The following COL9A3 variants were observed in gnomAD, a reference collection of about 807,000 sequenced individuals.
COL9A3 encodes the protein collagen type IX alpha 3 chain.
COL9A3 carries 82 observed loss-of-function variants against 110.2 expected under a neutral mutation model. That is an observed-to-expected ratio of 0.74 (90% CI 0.62 to 0.89). The LOEUF (loss-of-function observed/expected upper bound fraction) is 0.89, where lower values mean the gene tolerates loss of function less well. COL9A3 is among the 40% of genes least tolerant of loss of function. COL9A3 has a pLI of 0.00. For missense variants in COL9A3, 1,066 were observed against 981.3 expected (o/e 1.09, Z -1.15); for synonymous variants, 494 against 403.8 (o/e 1.22, Z -2.68).
intron 12 of COL9A3, 153 bp downstream of exon 12, chr20:62,825,174 C>T (rs1350218900): frequency 6.3e-5 from 2 of 31,834 alleles, no homozygotes; most frequent in African/African-American, 2.3e-4. Flanking sequence ...TGGGCTCCGG[C>T]GGGAGGGAGG....
At chr20:62,826,362 C>T (rs931802855) in intron 14 of COL9A3, 105 bp downstream of exon 14, 24 of 1,109,466 alleles carry the variant, frequency 2.2e-5, no homozygotes, top group African/African-American at 4.7e-5. Flanking sequence ...CTGAAGCAGC[C>T]GGCACCCTGG....
At chr20:62,817,703 C>A in intron 2 of COL9A3, 68 bp downstream of exon 2, 1 of 1,091,210 alleles carries the variant, frequency 9.2e-7, no homozygotes, top group South Asian at 1.6e-5. Context: ...CCTCCCTGAG[C>A]TCCCCGGCCT....
rs770992000 is a variant in COL9A3, at chr20:62,837,282, A to G, written c.1786+17A>G. The G allele has an allele frequency of 1.2e-6, 2 of 1,606,352 alleles. No homozygotes were observed. Among genetic ancestry groups the G allele is most frequent in the Non-Finnish European group, 1.7e-6 (2 of 1,179,322 alleles). ...GGCCCAGAGGTGAGTGTTTGACCCCATGACACGGTCACCCTGCTGTAAAAA... is the reference window on the plus strand; with the variant it reads ...GGCCCAGAGGTGAGTGTTTGACCCCGTGACACGGTCACCCTGCTGTAAAAA... On this transcript the variant is annotated intron_variant, in intron 30 of 31. Coordinates refer to ENST00000649368, the MANE Select transcript of COL9A3 (RefSeq NM_001853.4).
At chr20:62,825,106 AGGGAGG>A in intron 12 of COL9A3, 85 bp downstream of exon 12, 1 of 162,496 alleles carries the variant, frequency 6.2e-6, no homozygotes, top group South Asian at 3.9e-5. Context: ...CTCCGGCGGG[AGGGAGG>A]GGCTGGGCTC....
Position 62,817,583 on chromosome 20 carries a change from G to A in COL9A3, c.95G>A (p.Gly32Asp), listed in dbSNP as rs550448320. The A allele has an allele frequency of 3.9e-6, 6 of 1,534,404 alleles. No homozygotes were observed. In the Admixed American group the frequency reaches 5.9e-5, roughly 15 times the overall value. The change falls in exon 2 of 32, where the codon GGC (glycine) becomes GAC (aspartate). Residue 32 changes from glycine (G) to aspartate (D), a missense_variant. By Grantham distance (94) the Gly-to-Asp change is moderately conservative. Transcript: ENST00000649368. The stretch of plus-strand genomic sequence containing the variant: ...CCGTTTCAGAGAGTGGGACTCCCCG[G>A]CCCCCCCGGCCCCCCAGGGCCGCCC... ...AAGAQRVGLP[G>D]PPGPPGPPGK...
intron 30 of COL9A3, 88 bp downstream of exon 30, chr20:62,837,353 A>G (rs1417182296): frequency 2.8e-6 from 4 of 1,434,252 alleles, no homozygotes; most frequent in Admixed American, 1.9e-5. Flanking sequence ...GGTGCCTGCC[A>G]TGCGCCCTCA....
rs1288641607 is a variant in COL9A3 at position 62,817,589 on chromosome 20, C to G, written c.101C>G (p.Pro34Arg). 1.9e-6 allele frequency: 3 copies of G among 1,547,628 alleles called. No homozygotes were observed. The highest frequency in any genetic ancestry group is 2.4e-5 in the East Asian group (1 of 40,842). ...CAGAGAGTGGGACTCCCCGGCCCCC[C>G]CGGCCCCCCAGGGCCGCCCGGGAAG... Reference protein sequence around the residue: ...GAQRVGLPGPPGPPGPPGKPG... With the variant: ...GAQRVGLPGPRGPPGPPGKPG... The change falls in exon 2 of 32, where the codon CCC (proline) becomes CGC (arginine). Residue 34 changes from proline to arginine, a missense_variant. Pro to Arg is a moderately radical substitution (Grantham distance 103). Coordinates refer to ENST00000649368, the MANE Select transcript of COL9A3 (RefSeq NM_001853.4).
chr20:62,841,008 G>A lies in COL9A3; in HGVS notation c.*276G>A, dbSNP rs886056916. The A allele has an allele frequency of 3.5e-5, 15 of 434,142 alleles. 2 individuals are homozygous for A. Among genetic ancestry groups the A allele is most frequent in the East Asian group, 1.3e-4 (3 of 22,302 alleles). The allele number at this position is 434,142 out of a possible 1,614,324, so 26.9% of individuals were successfully genotyped here. A position where few individuals can be genotyped will look rare whatever the true frequency, so the allele number is the denominator to read the frequency against. ...TAAAAGGTTGTGTACAACTCCACGA[G>A]GTGAAAAATATTCAGTAACTTGTTT... On this transcript the variant is annotated 3_prime_UTR_variant, in exon 32 of 32. Coordinates refer to ENST00000649368, the MANE Select transcript of COL9A3 (RefSeq NM_001853.4).
chr20:62,817,933 G>A, intron 2 of COL9A3: 1 of 503,192 alleles, frequency 2.0e-6, no homozygotes, highest in Non-Finnish European at 3.8e-6. Flanking sequence ...GCCTCTGGCT[G>A]AAGTGGGGAG....
At position 62,836,709 on chromosome 20, in the gene COL9A3, T is replaced by C. The variant is rs1392294250; in HGVS notation, c.1603+177T>C. On this transcript the variant is annotated intron_variant, in intron 29 of 31. Transcript: ENST00000649368. ...TCCGCCTTGGCGTCTGCCTGTCCTC[T>C]GCGCTAGAGGATGGCCCACGCTCCC... 1.3e-5 allele frequency: 9 copies of C among 712,672 alleles called. No individual in the cohort carries two copies. The African/African-American group carries it at 1.4e-4, about 11-fold the overall frequency. 44.1% of individuals were successfully genotyped at this position (712,672 alleles called of 1,614,324 possible).
chr20:62,817,179 A>C (rs1990956358), intron 1 of COL9A3, 37 bp downstream of exon 1: 1 of 1,336,682 alleles, frequency 7.5e-7, no homozygotes, highest in African/African-American at 1.5e-5. Context: ...CTGGACGTGG[A>C]GCCGCGACCG....
At chr20:62,832,123 C>T (rs1356041478) in intron 24 of COL9A3, 31 bp from the exon 25 acceptor site, 1 of 1,609,588 alleles carries the variant, frequency 6.2e-7, no homozygotes, top group Non-Finnish European at 8.5e-7. Flanking sequence ...CCTGCCATTC[C>T]TCTAATCCAG....
intron 11 of COL9A3, 100 bp downstream of exon 11, chr20:62,824,601 AC>A: frequency 1.6e-6 from 2 of 1,283,936 alleles, no homozygotes; most frequent in Non-Finnish European, 2.2e-6. Flanking sequence ...AGAAAGCTGG[AC>A]CCTGGTTCCA....
chr20:62,828,002 A>G, intron 17 of COL9A3, 26 bp downstream of exon 17: 1 of 1,612,368 alleles, frequency 6.2e-7, no homozygotes, highest in Non-Finnish European at 8.5e-7. Context: ...TGCTCATGGA[A>G]TGCTCCTCCC....
At chr20:62,822,478 G>T in intron 9 of COL9A3, 113 bp from the exon 10 acceptor site, 1 of 1,176,250 alleles carries the variant, frequency 8.5e-7, no homozygotes. Context: ...GGGTCTCCAA[G>T]TCCCCTGGTG....
intron 10 of COL9A3, among the ~76,000 whole-genome samples, chr20:62,824,162 T>C (rs55826553): frequency 9.0e-5 from 9 of 99,746 alleles, no homozygotes; most frequent in Admixed American, 2.0e-4. Context: ...CCTGGGGTCC[T>C]GTCACCCAGA....
rs1377518193 is a variant in COL9A3, at chr20:62,821,562, A to G, written c.369+32A>G. The G allele has an allele frequency of 1.9e-6, 3 of 1,612,676 alleles. No homozygotes were observed. In the South Asian group the frequency reaches 3.3e-5, roughly 18 times the overall value. ...ACTGACAACCCTTGGGGCCCTGAGC[A>G]AGCACGCAAGTCCCGAGAGCCTGCC... On this transcript the variant is annotated intron_variant, in intron 7 of 31. Coordinates refer to ENST00000649368, the MANE Select transcript of COL9A3 (RefSeq NM_001853.4).
In COL9A3 at chr20:62,821,499, C is replaced by T; in HGVS notation, c.346-8C>T. 1 of 1,612,936 alleles carries T rather than the reference C, an allele frequency of 6.2e-7. No individual in the cohort carries two copies. Among genetic ancestry groups the T allele is most frequent in the East Asian group, 2.2e-5 (1 of 44,872 alleles). On this transcript the variant is annotated splice_polypyrimidine_tract_variant and splice_region_variant and intron_variant, in intron 6 of 31. Transcript: ENST00000649368. Reference sequence around the variant, plus strand: ...TGGCAGGCTCTGACCCCATGTTTGGCTTTGCAGGGCAAAGGCCTCCCTGGA... The same window carrying T: ...TGGCAGGCTCTGACCCCATGTTTGGTTTTGCAGGGCAAAGGCCTCCCTGGA...
chr20:62,817,463 G>A, intron 1 of COL9A3, 104 bp from the exon 2 acceptor site: 2 of 809,790 alleles, frequency 2.5e-6, no homozygotes, highest in Non-Finnish European at 2.0e-6. Context: ...GAGGAGAGCG[G>A]CGGTCGTCGC....
Sources: gnomAD v4.1 joint callset for allele counts (sites outside exome capture counted in the v4.1 genomes callset) on GRCh38, gnomAD v4.1.1 for gene constraint, MANE v1.5 for transcripts, NCBI Gene and HGNC (gene_info 2026-07-23, HGNC 2026-07-21) for gene names.